FRMPD4: variants seen among roughly 807,000 people sequenced by gnomAD.
FRMPD4 encodes FERM and PDZ domain-containing protein 4.
FRMPD4 carries 22 observed loss-of-function variants against 94.1 expected under a neutral mutation model. The ratio of observed to expected loss-of-function variants is 0.23; its 90% CI spans 0.17 to 0.33. The LOEUF (loss-of-function observed/expected upper bound fraction) is 0.33, where lower values mean the gene tolerates loss of function less well. Among genes scored for constraint, FRMPD4 ranks in the 10% least tolerant of loss-of-function variants. FRMPD4 has a pLI of 1.00. For synonymous variants in FRMPD4, 631 were observed against 548.6 expected, an observed-to-expected ratio of 1.15 and a Z score of -2.10; for missense variants, 1,111 against 1,339.9, an observed-to-expected ratio of 0.83 and a Z score of 2.67.
At chrX:11,967,755 T>TG (rs2054317940) in intron 3 of FRMPD4, among the ~76,000 whole-genome samples, 1 of 55,019 alleles carries the variant, frequency 1.8e-5, no homozygotes, top group Non-Finnish European at 4.0e-5. Flanking sequence ...TGTGTGTGTG[T>TG]GTTTTTTTTT....
intron 1 of FRMPD4, among the ~76,000 whole-genome samples, chrX:12,396,346 A>G (rs958817185): frequency 4.5e-5 from 5 of 111,968 alleles, no homozygotes; most frequent in Admixed American, 3.8e-4. Context: ...AAAAATTTTA[A>G]TCATCATCAA....
chrX:11,885,333 A>T (rs183007635), intron 3 of FRMPD4, among the ~76,000 whole-genome samples: 16 of 111,096 alleles, frequency 1.4e-4, no homozygotes, highest in African/African-American at 4.2e-4. Flanking sequence ...TATATGAGGT[A>T]TCTAGAGTAA....
chrX:11,852,089 C>T (rs2053626348), intron 1 of FRMPD4, among the ~76,000 whole-genome samples: 1 of 111,057 alleles, frequency 9.0e-6, no homozygotes, highest in Non-Finnish European at 1.9e-5. Flanking sequence ...AGTGGCAAAA[C>T]TTACTTTCTC....
chrX:12,701,309 G>A (rs1445092898), intron 9 of FRMPD4, among the ~76,000 whole-genome samples: 1 of 110,331 alleles, frequency 9.1e-6, no homozygotes, highest in Non-Finnish European at 1.9e-5. Flanking sequence ...CAGGGCTCAC[G>A]TAATCCACCC....
chrX:12,440,794 T>C (rs2148121625), intron 1 of FRMPD4, among the ~76,000 whole-genome samples: 1 of 107,236 alleles, frequency 9.3e-6, no homozygotes, highest in African/African-American at 3.7e-5. Context: ...CCCTATAAAC[T>C]TACTTATAGA....
chrX:12,394,436 G>A (rs1209921986), intron 1 of FRMPD4, among the ~76,000 whole-genome samples: 1 of 111,396 alleles, frequency 9.0e-6, no homozygotes, highest in African/African-American at 3.3e-5. Context: ...TCTTATTCAG[G>A]TAGTCTTTTA....
At chrX:11,844,821 T>A (rs184501753) in intron 1 of FRMPD4, among the ~76,000 whole-genome samples, 40 of 112,252 alleles carry the variant, frequency 3.6e-4, no homozygotes, top group Non-Finnish European at 7.1e-4. Context: ...CTTTGATGAT[T>A]CTGTTATGCA....
At chrX:12,084,798 T>C (rs2055093863) in intron 3 of FRMPD4, among the ~76,000 whole-genome samples, 1 of 112,250 alleles carries the variant, frequency 8.9e-6, no homozygotes, top group African/African-American at 3.2e-5. Flanking sequence ...CGAGATCCCC[T>C]TGTGTATGGA....
intron 2 of FRMPD4, among the ~76,000 whole-genome samples, chrX:12,528,472 C>A (rs747478887): frequency 1.8e-5 from 2 of 109,314 alleles, no homozygotes; most frequent in South Asian, 8.1e-4. Context: ...TGGCACCCAC[C>A]ACCACGCCCA....
At position 11,916,428 on chromosome X, in the gene FRMPD4, A is replaced by G. The variant is rs181773546; in HGVS notation, c.95+38410A>G. ...GATTTAAGTGGGGGTCCAGCAGTCA[A>G]TCAGAAAGGGAAAAAGGGGGATAAT... On this transcript the variant is annotated intron_variant, in intron 3 of 18. Coordinates refer to the FRMPD4 transcript ENST00000640291. Among the ~76,000 whole-genome samples, 6 of 111,399 alleles carry G rather than the reference A, an allele frequency of 5.4e-5. No individual in the cohort carries two copies. In the Admixed American group the frequency reaches 5.7e-4, roughly 11 times the overall value.
At chrX:12,481,031 G>C (rs1019240850) in intron 1 of FRMPD4, among the ~76,000 whole-genome samples, 1 of 111,518 alleles carries the variant, frequency 9.0e-6, no homozygotes. Context: ...GTCAACTCAG[G>C]TAGTAATACC....
chrX:11,928,120 CAT>C (rs770892472), intron 3 of FRMPD4, among the ~76,000 whole-genome samples: 3 of 112,382 alleles, frequency 2.7e-5, no homozygotes, highest in African/African-American at 9.7e-5. Flanking sequence ...CAAAAGAAGA[CAT>C]ATGTGTGGCA....
chrX:12,240,480 T>C (rs1012143306), intron 1 of FRMPD4, among the ~76,000 whole-genome samples: 8 of 112,070 alleles, frequency 7.1e-5, no homozygotes, highest in Admixed American at 6.6e-4. Context: ...AGGAGGAATT[T>C]ATTGTGTGGA....
chrX:11,875,174 A>G (rs777657365), intron 2 of FRMPD4, among the ~76,000 whole-genome samples: 1 of 112,794 alleles, frequency 8.9e-6, no homozygotes, highest in African/African-American at 3.2e-5. Flanking sequence ...AGATTTTAAA[A>G]CTAGGAAGAA....
At chrX:12,444,406 T>G (rs753519238) in intron 1 of FRMPD4, among the ~76,000 whole-genome samples, 1 of 109,096 alleles carries the variant, frequency 9.2e-6, no homozygotes, top group Non-Finnish European at 1.9e-5. Flanking sequence ...GTCAAGACAT[T>G]TTCTTATGAG....
At chrX:12,435,900 G>A (rs1207316845) in intron 1 of FRMPD4, among the ~76,000 whole-genome samples, 2 of 111,202 alleles carry the variant, frequency 1.8e-5, no homozygotes, top group Middle Eastern at 4.7e-3. Context: ...TCAGATTTTC[G>A]GTTATTTCTT....
At chrX:12,658,646 A>G (rs2059683462) in intron 4 of FRMPD4, among the ~76,000 whole-genome samples, 1 of 111,667 alleles carries the variant, frequency 9.0e-6, no homozygotes, top group African/African-American at 3.3e-5. Flanking sequence ...CATCCATGGC[A>G]AAGTGTTTAA....
chrX:12,469,540 C>A (rs1420416572), intron 1 of FRMPD4, among the ~76,000 whole-genome samples: 2 of 111,747 alleles, frequency 1.8e-5, no homozygotes, highest in Admixed American at 9.5e-5. Flanking sequence ...CATGAGTCAC[C>A]GTGCCCGGCC....
intron 4 of FRMPD4, among the ~76,000 whole-genome samples, chrX:12,650,980 A>G (rs1430995808): frequency 8.8e-6 from 1 of 113,039 alleles, no homozygotes; most frequent in Non-Finnish European, 1.9e-5. Flanking sequence ...CCCTTAGAGC[A>G]TGCAGTATCA....
Sources: gnomAD v4.1 joint callset for allele counts (sites outside exome capture counted in the v4.1 genomes callset) on GRCh38, gnomAD v4.1.1 for gene constraint, MANE v1.5 for transcripts, NCBI Gene and HGNC (gene_info 2026-07-23, HGNC 2026-07-21) for gene names.